Variants in PRDM16 observed in about 807,000 individuals in gnomAD.
PRDM16 encodes histone-lysine N-methyltransferase PRDM16.
PRDM16 carries 23 observed loss-of-function variants against 110.6 expected under a neutral mutation model. The observed-to-expected ratio is 0.21, with a 90% CI of 0.15 to 0.29. The LOEUF is 0.29. Among genes scored for constraint, PRDM16 ranks in the 10% least tolerant of loss-of-function variants. PRDM16 has a pLI of 1.00. For missense variants in PRDM16, 1,615 were observed against 1,794.3 expected, an observed-to-expected ratio of 0.90 and a Z score of 1.81; for synonymous variants, 799 against 781.8, an observed-to-expected ratio of 1.02 and a Z score of -0.37.
At chr1:3,169,576 T>G (rs1644001324) in intron 1 of PRDM16, among the ~76,000 whole-genome samples, 1 of 152,244 alleles carries the variant, frequency 6.6e-6, no homozygotes, top group South Asian at 2.1e-4. Flanking sequence ...GTCCCGGGGT[T>G]GTTGCTGAGG....
chr1:3,425,657 A>G lies in PRDM16; in HGVS notation c.3016A>G (p.Lys1006Glu). The stretch of plus-strand genomic sequence containing the variant: ...CGTCCGGAACATCCACAACAAGGAG[A>G]AGCCTTTCAAGTGCCACCTGTGCAA... ...RHVRNIHNKE[K>E]PFKCHLCNRC... The change falls in exon 13 of 17, where the codon AAG (lysine) becomes GAG (glutamate). Residue 1006 changes from lysine (K) to glutamate (E), a missense_variant. By Grantham distance (56) the Lys-to-Glu change is moderately conservative. Around this residue, in one of 5 missense-constraint regions of PRDM16, gnomAD observed 18 missense variants for 75.2 expected, o/e 0.24. Coordinates refer to ENST00000270722, the MANE Select transcript of PRDM16 (RefSeq NM_022114.4). The surrounding 1 kb of genome is among the most constrained non-coding windows in gnomAD (Gnocchi z 6.9). 1 of 1,613,934 alleles carries G rather than the reference A, an allele frequency of 6.2e-7. No homozygotes were observed. The highest frequency in any genetic ancestry group is 8.5e-7 in the Non-Finnish European group (1 of 1,179,936).
At chr1:3,420,569 C>T (rs1208140999) in intron 12 of PRDM16, among the ~76,000 whole-genome samples, 1 of 152,210 alleles carries the variant, frequency 6.6e-6, no homozygotes, top group Non-Finnish European at 1.5e-5. Flanking sequence ...CGTTTAAGTC[C>T]TTGCCTCAGA....
rs186767108 is a variant in PRDM16, at chr1:3,376,509, A to C, written c.439-8643A>C. Reference sequence around the variant, plus strand: ...CCTCATCTCTCCCCCAGCACGCCCCACTGCCTGAGAACCATCCAGTGAGAC... The same window carrying C: ...CCTCATCTCTCCCCCAGCACGCCCCCCTGCCTGAGAACCATCCAGTGAGAC... On this transcript the variant is annotated intron_variant, in intron 3 of 16. Transcript: ENST00000270722. 7.4e-3 allele frequency among the ~76,000 whole-genome samples: 1,121 copies of C among 152,050 alleles called. 11 individuals carry two copies. The highest frequency in any genetic ancestry group is 0.031 in the Middle Eastern group (9 of 294).
intron 1 of PRDM16, among the ~76,000 whole-genome samples, chr1:3,156,523 AG>A (rs1337669914): frequency 6.6e-6 from 1 of 152,118 alleles, no homozygotes; most frequent in African/African-American, 2.4e-5. Context: ...TCTAGTTTGG[AG>A]GGGTTTTGTT....
intron 3 of PRDM16, among the ~76,000 whole-genome samples, chr1:3,250,648 C>T (rs1202902503): frequency 1.3e-5 from 2 of 152,216 alleles, no homozygotes; most frequent in Non-Finnish European, 2.9e-5. Context: ...CCCTGCGTGT[C>T]TGAGGTGGCT....
At chr1:3,360,548 C>T (rs565323154) in intron 3 of PRDM16, among the ~76,000 whole-genome samples, 2 of 152,322 alleles carry the variant, frequency 1.3e-5, no homozygotes, top group Admixed American at 1.3e-4. Context: ...GAAGAGGTGT[C>T]CACTGCTCTG....
rs765549349 is a variant in PRDM16 at position 3,175,258 on chromosome 1, G to T, written c.38-10867G>T. Among the ~76,000 whole-genome samples the T allele has an allele frequency of 2.6e-5, 4 of 152,180 alleles. No homozygotes were observed. The highest frequency in any genetic ancestry group is 1.3e-4 in the Admixed American group (2 of 15,284). On this transcript the variant is annotated intron_variant, in intron 1 of 16. Transcript: ENST00000270722. The surrounding 1 kb of genome is among the most constrained non-coding windows in gnomAD (Gnocchi z 4.8). ...AAGGGGCCTTCAGGATGACCCTGCC[G>T]CTCCAGGAGCCCTCCCACTGAAGAA...
chr1:3,412,369 G>A lies in PRDM16; in HGVS notation c.2172G>A (p.Ala724=), dbSNP rs773130347. Residue 724 remains alanine (A), a synonymous_variant, in exon 9 of 17, where the codon GCG becomes GCA. Transcript: ENST00000270722. ...KKLGSLPYHS[A]FPFQFLPNFP... ...TGGGCTCGCTCCCCTACCACTCGGCGTTCCCCTTCCAGTTCCTGCCCAACT... is the reference window on the plus strand; with the variant it reads ...TGGGCTCGCTCCCCTACCACTCGGCATTCCCCTTCCAGTTCCTGCCCAACT... The A allele has an allele frequency of 5.1e-5, 83 of 1,613,496 alleles. No individual in the cohort carries two copies. In the African/African-American group the frequency reaches 7.3e-4, roughly 14 times the overall value.
chr1:3,221,571 C>T (rs909261924), intron 2 of PRDM16, among the ~76,000 whole-genome samples: 2 of 152,230 alleles, frequency 1.3e-5, no homozygotes, highest in African/African-American at 4.8e-5. Flanking sequence ...GTCTGGCTTC[C>T]AATGAACGTC....
In PRDM16 at chr1:3,175,300, A is replaced by T. The variant is rs939156831; in HGVS notation, c.38-10825A>T. ...ACTGAAGAAGGGCCTTCTGTTCACCAGGGTATACTCGGCAGAGATGTAGGT... is the reference window on the plus strand; with the variant it reads ...ACTGAAGAAGGGCCTTCTGTTCACCTGGGTATACTCGGCAGAGATGTAGGT... On this transcript the variant is annotated intron_variant, in intron 1 of 16. Coordinates refer to ENST00000270722, the MANE Select transcript of PRDM16 (RefSeq NM_022114.4). This position sits in a 1 kb window ranked among gnomAD's most constrained non-coding sequence, Gnocchi z 4.8. Among the ~76,000 whole-genome samples the T allele has an allele frequency of 1.3e-5, 2 of 152,176 alleles. No homozygotes were observed. The highest frequency in any genetic ancestry group is 4.8e-5 in the African/African-American group (2 of 41,442).
chr1:3,433,027 G>A (rs573730137), intron 16 of PRDM16, among the ~76,000 whole-genome samples: 52 of 152,362 alleles, frequency 3.4e-4, no homozygotes, highest in Admixed American at 1.1e-3. Context: ...GACATCCCCT[G>A]GCAGGGGTGG....
At chr1:3,074,798 C>T (rs1226054518) in intron 1 of PRDM16, among the ~76,000 whole-genome samples, 3 of 151,792 alleles carry the variant, frequency 2.0e-5, no homozygotes, top group Non-Finnish European at 2.9e-5. Context: ...CACCACCCAC[C>T]GCCTCCACCC....
At chr1:3,327,078 C>T (rs560595402) in intron 3 of PRDM16, among the ~76,000 whole-genome samples, 37 of 152,348 alleles carry the variant, frequency 2.4e-4, no homozygotes, top group African/African-American at 8.7e-4. Flanking sequence ...GCAGGCAAGG[C>T]GAGGAGGCCC....
intron 14 of PRDM16, among the ~76,000 whole-genome samples, chr1:3,427,925 G>A (rs893128346): frequency 1.3e-5 from 2 of 152,160 alleles, no homozygotes; most frequent in African/African-American, 4.8e-5. Flanking sequence ...GGAGCTGTTC[G>A]TGTTCCCTGC....
chr1:3,310,636 G>A lies in PRDM16; in HGVS notation c.438+66499G>A, dbSNP rs1222248951. Among the ~76,000 whole-genome samples the A allele has an allele frequency of 3.9e-5, 6 of 152,292 alleles. 1 individual carries two copies. The highest frequency in any genetic ancestry group is 2.1e-4 in the South Asian group (1 of 4,820). On this transcript the variant is annotated intron_variant, in intron 3 of 16. Transcript: ENST00000270722. ...CTCCACCTGCCAAACCAGCAAGCAC[G>A]TCTCAACCAGGGCCTCCTCTGGCCT...
intron 3 of PRDM16, among the ~76,000 whole-genome samples, chr1:3,279,883 C>T (rs183142905): frequency 6.0e-5 from 8 of 132,330 alleles, no homozygotes; most frequent in Admixed American, 4.6e-4. Flanking sequence ...CCACCCCCCC[C>T]GGGCACCCAC....
At position 3,382,232 on chromosome 1, in the gene PRDM16, G is replaced by C. The variant is rs966697797; in HGVS notation, c.439-2920G>C. ...CCTGCCTCCCTAGTGACAACCAGCC[G>C]CTTGTGGCCTCCTCCCTCCCATGCC... is the stretch of plus-strand genomic sequence containing the variant. On this transcript the variant is annotated intron_variant, in intron 3 of 16. Transcript: ENST00000270722. This position sits in a 1 kb window ranked among gnomAD's most constrained non-coding sequence, Gnocchi z 6.6. Among the ~76,000 whole-genome samples, 5 of 152,210 alleles carry C rather than the reference G, an allele frequency of 3.3e-5. No homozygotes were observed. The highest frequency in any genetic ancestry group is 7.4e-5 in the Non-Finnish European group (5 of 68,026).
At chr1:3,416,081 G>A (rs1022400042) in intron 10 of PRDM16, among the ~76,000 whole-genome samples, 1 of 152,228 alleles carries the variant, frequency 6.6e-6, no homozygotes, top group Non-Finnish European at 1.5e-5. Context: ...CAGCCTGGGT[G>A]GGGCTGGAAG....
At chr1:3,140,744 C>T (rs147576271) in intron 1 of PRDM16, among the ~76,000 whole-genome samples, 2,257 of 152,308 alleles carry the variant, frequency 0.015, 44 homozygotes, top group Non-Finnish European at 0.021. Flanking sequence ...GCCACAGTCA[C>T]GCGTCCCTCT....
Sources: gnomAD v4.1 joint callset for allele counts (sites outside exome capture counted in the v4.1 genomes callset) on GRCh38, gnomAD v4.1.1 for gene constraint, gnomAD v4.1.1 regional missense constraint, Gnocchi (gnomAD v3.1) non-coding constraint, MANE v1.5 for transcripts, NCBI Gene and HGNC (gene_info 2026-07-23, HGNC 2026-07-21) for gene names.